CARNS1: variants seen among roughly 807,000 people sequenced by gnomAD.
CARNS1 encodes ATP-grasp domain containing 1.
Under a neutral mutation model 74.0 loss-of-function variants are expected in CARNS1, and 61 were observed. That is an observed-to-expected ratio of 0.82 (90% CI 0.67 to 1.02). The LOEUF (loss-of-function observed/expected upper bound fraction) is 1.02. Ranked by LOEUF, CARNS1 falls within the 50% of genes least tolerant of loss-of-function variation. CARNS1 has a pLI of 0.00. For synonymous variants in CARNS1, 568 were observed against 605.5 expected (o/e 0.94, Z 0.91); for missense variants, 1,278 against 1,308.4 (o/e 0.98, Z 0.36).
chr11:67,418,816 C>T lies in CARNS1; in HGVS notation c.425C>T (p.Pro142Leu), dbSNP rs61744660. 38 of 1,600,768 alleles carry T rather than the reference C, an allele frequency of 2.4e-5. No individual in the cohort carries two copies. In the Middle Eastern group the frequency reaches 5.0e-4, roughly 21 times the overall value. The change falls in exon 5 of 10, where the codon CCG (proline) becomes CTG (leucine). Residue 142 changes from proline to leucine, a missense_variant. Around this residue, in one of 3 missense-constraint regions of CARNS1, gnomAD observed 1,164 missense variants for 1,156.5 expected, o/e 1.01. Transcript: ENST00000687366. ...WLMKVPAPGQ[P>L]GEAALLVSKA... ...ATGAAGGTGCCAGCACCCGGGCAGCCGGGTGAGGCAGCCCTGCTAGTCTCC... is the reference window on the plus strand; with the variant it reads ...ATGAAGGTGCCAGCACCCGGGCAGCTGGGTGAGGCAGCCCTGCTAGTCTCC...
At chr11:67,421,614 C>G (rs1590961380) in intron 9 of CARNS1, among the ~76,000 whole-genome samples, 2 of 152,330 alleles carry the variant, frequency 1.3e-5, no homozygotes, top group South Asian at 2.1e-4. Context: ...ATTCCTGACA[C>G]TTGGCACCCA....
Position 67,425,245 on chromosome 11 carries a change from T to C in CARNS1, c.*644T>C. The C allele has an allele frequency of 2.7e-6, 1 of 367,394 alleles. No individual in the cohort carries two copies. The highest frequency in any genetic ancestry group is 5.4e-6 in the Non-Finnish European group (1 of 186,100). The allele number at this position is 367,394 out of a possible 1,614,324, so 22.8% of individuals were successfully genotyped here. A position where few individuals can be genotyped will look rare whatever the true frequency, so the allele number is the denominator to read the frequency against. ...AGGAAACAGGCTGAGAGAAGAAAAA[T>C]GACTGCTCCAGGATTATACCACAGT... On this transcript the variant is annotated 3_prime_UTR_variant, in exon 10 of 10. Coordinates refer to ENST00000687366, the MANE Select transcript of CARNS1 (RefSeq NM_001166222.2).
chr11:67,424,573 T>C lies in CARNS1; in HGVS notation c.2825T>C (p.Val942Ala). 1 of 1,607,378 alleles carries C rather than the reference T, an allele frequency of 6.2e-7. No homozygotes were observed. The highest frequency in any genetic ancestry group is 2.2e-5 in the East Asian group (1 of 44,754). ...GLGIDGPSYPVAHFLSHFK is the reference protein window; with the variant it reads ...GLGIDGPSYPAAHFLSHFK ...GGCATCGATGGGCCCAGCTACCCTG[T>C]TGCCCACTTCCTGTCTCACTTCAAA... The change falls in exon 10 of 10, where the codon GTT becomes GCT. Residue 942 changes from valine (V) to alanine (A), a missense_variant. Physicochemically the swap from Val to Ala is moderately conservative, Grantham distance 64. Transcript: ENST00000687366.
Position 67,420,096 on chromosome 11 carries a change from G to A in CARNS1, c.1113+258G>A, listed in dbSNP as rs531920095. Among the ~76,000 whole-genome samples, 6 of 152,292 alleles carry A rather than the reference G, an allele frequency of 3.9e-5. 2 individuals carry two copies. Among genetic ancestry groups the A allele is most frequent in the African/African-American group, 1.4e-4 (6 of 41,552 alleles). On this transcript the variant is annotated intron_variant, in intron 7 of 9. Transcript: ENST00000687366. The stretch of plus-strand genomic sequence containing the variant: ...GGGTAGTACCAGGGCCCAGGGGGCT[G>A]AATTGTCTTCCCAGAGAGCTCTTGC...
At chr11:67,418,390 A>C in intron 3 of CARNS1, 41 bp from the exon 4 acceptor site, 4 of 1,389,550 alleles carry the variant, frequency 2.9e-6, no homozygotes, top group Non-Finnish European at 3.8e-6. Flanking sequence ...AGAGACAGCA[A>C]GGGCGCCCCT....
At position 67,424,247 on chromosome 11, in the gene CARNS1, C is replaced by A. The variant is rs771756020; in HGVS notation, c.2499C>A (p.Asp833Glu). 6.2e-7 allele frequency: 1 copy of A among 1,613,576 alleles called. No individual in the cohort carries two copies. The highest frequency in any genetic ancestry group is 1.3e-5 in the African/African-American group (1 of 75,034). ...GGATCCTGGAGCTCTATGGTGTTGA[C>A]CTGCTGCTGGCTGCTGTTATGGTGG... is the stretch of plus-strand genomic sequence containing the variant. The part of the protein sequence containing the change: ...RDWILELYGV[D>E]LLLAAVMVAC... The change falls in exon 10 of 10, where the codon GAC (aspartate) becomes GAA (glutamate). Residue 833 changes from aspartate (D) to glutamate (E), a missense_variant. Transcript: ENST00000687366.
rs747024574 is a variant in CARNS1, at chr11:67,423,657, C to T, written c.1909C>T (p.His637Tyr). ...KSLTQLHLLH[H>Y]HGPPWPAPSL... ...CCTCACCCAGCTGCACCTGTTGCAC[C>T]ACCATGGCCCACCCTGGCCTGCGCC... Residue 637 changes from histidine to tyrosine, a missense_variant, in exon 10 of 10, where the codon CAC becomes TAC. Coordinates refer to ENST00000687366, the MANE Select transcript of CARNS1 (RefSeq NM_001166222.2). The surrounding 1 kb of genome is among the most constrained non-coding windows in gnomAD (Gnocchi z 5.1). 3.1e-5 allele frequency: 50 copies of T among 1,604,084 alleles called. No individual in the cohort carries two copies. The East Asian group carries it at 9.7e-4, about 31-fold the overall frequency.
chr11:67,416,696 G>T (rs1242008697), intron 2 of CARNS1: 4 of 987,110 alleles, frequency 4.1e-6, no homozygotes, highest in Non-Finnish European at 4.8e-6. Context: ...CAGGCCTGGG[G>T]ACTGCAAAGA....
Position 67,424,085 on chromosome 11 carries a change from G to T in CARNS1, c.2337G>T (p.Met779Ile). Residue 779 changes from methionine (M) to isoleucine (I), a missense_variant, in exon 10 of 10, where the codon ATG becomes ATT. This residue lies in a region of CARNS1 where 1,164 missense variants were observed against 1,156.5 expected (regional missense o/e 1.01). Transcript: ENST00000687366. ...TGLAPEQEAQMVQAAFRCCLG... is the reference protein window; with the variant it reads ...TGLAPEQEAQIVQAAFRCCLG... ...TGGCACCAGAGCAGGAGGCACAGAT[G>T]GTTCAGGCAGCCTTCCGCTGTTGCC... 6.2e-7 allele frequency: 1 copy of T among 1,613,574 alleles called. No individual in the cohort carries two copies. The highest frequency in any genetic ancestry group is 8.5e-7 in the Non-Finnish European group (1 of 1,179,792).
Position 67,416,145 on chromosome 11 carries a change from C to T in CARNS1, c.-24-31C>T, listed in dbSNP as rs1012421965. ...AGGGACTTGGCTGCCCTGACTCCTT[C>T]GTCTCTCTGTCCCTCTGTCTCTGCC... On this transcript the variant is annotated intron_variant, in intron 1 of 9. Coordinates refer to ENST00000687366, the MANE Select transcript of CARNS1 (RefSeq NM_001166222.2). 52 of 1,365,474 alleles carry T rather than the reference C, an allele frequency of 3.8e-5. 1 individual carries two copies. Among genetic ancestry groups the T allele is most frequent in the African/African-American group, 1.3e-4 (9 of 69,592 alleles). The allele number at this position is 1,365,474 out of a possible 1,614,324, so 84.6% of individuals were successfully genotyped here.
intron 3 of CARNS1, among the ~76,000 whole-genome samples, chr11:67,417,913 C>G (rs1162217906): frequency 2.0e-5 from 3 of 152,224 alleles, no homozygotes; most frequent in African/African-American, 4.8e-5. Flanking sequence ...CAAAAAGACC[C>G]AGCCCTGGGA....
Position 67,419,201 on chromosome 11 carries a change from G to A in CARNS1, c.810G>A (p.Val270=). The change falls in exon 5 of 10, where the codon GTG becomes GTA. Residue 270 remains valine, a synonymous_variant. Transcript: ENST00000687366. ...EGQETLVKEE[V]EAFLRSEALG... ...AGGAGACGCTGGTGAAAGAGGAAGT[G>A]GAGGCTTTTCTGCGCTCCGAGGCCC... 3.3e-6 allele frequency: 5 copies of A among 1,507,960 alleles called. No homozygotes were observed. Among genetic ancestry groups the A allele is most frequent in the Non-Finnish European group, 4.5e-6 (5 of 1,123,332 alleles). The allele number at this position is 1,507,960 out of a possible 1,614,324, so 93.4% of individuals were successfully genotyped here. A position where few individuals can be genotyped will look rare whatever the true frequency, so the allele number is the denominator to read the frequency against.
At chr11:67,416,834 G>T (rs915648594) in intron 2 of CARNS1, 1 of 986,456 alleles carries the variant, frequency 1.0e-6, no homozygotes, top group Admixed American at 6.1e-5. Flanking sequence ...TCTGCAGGGG[G>T]GATACTGTCT....
chr11:67,418,580 C>A, intron 4 of CARNS1, 60 bp downstream of exon 4: 1 of 1,468,990 alleles, frequency 6.8e-7, no homozygotes, highest in South Asian at 1.3e-5. Flanking sequence ...CTGCCCTGGC[C>A]CAGCCACATC....
rs1196227454 is a variant in CARNS1 at position 67,423,429 on chromosome 11, T to G, written c.1681T>G (p.Phe561Val). 5.6e-6 allele frequency: 9 copies of G among 1,613,756 alleles called. No homozygotes were observed. Among genetic ancestry groups the G allele is most frequent in the Non-Finnish European group, 7.6e-6 (9 of 1,179,770 alleles). ...NHFASQLVQT[F>V]IHFDMTEHRR... ...CTTTGCATCCCAGTTGGTACAGACCTTCATCCACTTTGACATGACAGAGCA... is the reference window on the plus strand; with the variant it reads ...CTTTGCATCCCAGTTGGTACAGACCGTCATCCACTTTGACATGACAGAGCA... The change falls in exon 10 of 10, where the codon TTC becomes GTC. Residue 561 changes from phenylalanine (F) to valine (V), a missense_variant. By Grantham distance (50) the Phe-to-Val change is conservative. Coordinates refer to ENST00000687366, the MANE Select transcript of CARNS1 (RefSeq NM_001166222.2). The surrounding 1 kb of genome is among the most constrained non-coding windows in gnomAD (Gnocchi z 5.1).
Position 67,417,234 on chromosome 11 carries a change from G to A in CARNS1, c.4-173G>A, listed in dbSNP as rs186724694. 42 of 1,234,646 alleles carry A rather than the reference G, an allele frequency of 3.4e-5. No homozygotes were observed. In the South Asian group the frequency reaches 1.1e-3, roughly 33 times the overall value. 76.5% of individuals were successfully genotyped at this position (1,234,646 alleles called of 1,614,324 possible). A position where few individuals can be genotyped will look rare whatever the true frequency, so the allele number is the denominator to read the frequency against. On this transcript the variant is annotated intron_variant, in intron 2 of 9. Coordinates refer to ENST00000687366, the MANE Select transcript of CARNS1 (RefSeq NM_001166222.2). ...GTTTACAAAGCACTCCCACGGTTGCGTTCCCATTAACAAGCCTTCGCCCCC... is the reference window on the plus strand; with the variant it reads ...GTTTACAAAGCACTCCCACGGTTGCATTCCCATTAACAAGCCTTCGCCCCC...
At position 67,418,944 on chromosome 11, in the gene CARNS1, C is replaced by G. The variant is rs372520034; in HGVS notation, c.553C>G (p.Arg185Gly). ...FLAGLGLGPGRGREAAELARD... is the reference protein window; with the variant it reads ...FLAGLGLGPGGGREAAELARD... ...GGCAGGCCTGGGCCTGGGGCCTGGC[C>G]GGGGCCGAGAGGCAGCAGAACTCGC... Residue 185 changes from arginine to glycine, a missense_variant, in exon 5 of 10, where the codon CGG (arginine) becomes GGG (glycine). By Grantham distance (125) the Arg-to-Gly change is moderately radical (BLOSUM62 -2). Around this residue, in one of 3 missense-constraint regions of CARNS1, gnomAD observed 1,164 missense variants for 1,156.5 expected, o/e 1.01. Transcript: ENST00000687366. 147 of 1,576,986 alleles carry G rather than the reference C, an allele frequency of 9.3e-5. No individual in the cohort carries two copies. The highest frequency in any genetic ancestry group is 5.0e-4 in the Middle Eastern group (3 of 6,022).
intron 2 of CARNS1, chr11:67,416,477 G>C: frequency 1.5e-6 from 2 of 1,315,254 alleles, no homozygotes; most frequent in Non-Finnish European, 1.9e-6. Flanking sequence ...ACTGGGATTC[G>C]AGCCCAGGCA....
chr11:67,419,080 C>T lies in CARNS1; in HGVS notation c.689C>T (p.Ala230Val). The change falls in exon 5 of 10, where the codon GCA becomes GTA. Residue 230 changes from alanine to valine, a missense_variant. Ala to Val is a moderately conservative substitution (Grantham distance 64, BLOSUM62 0). This residue lies in a region of CARNS1 where 1,164 missense variants were observed against 1,156.5 expected (regional missense o/e 1.01). Coordinates refer to ENST00000687366, the MANE Select transcript of CARNS1 (RefSeq NM_001166222.2). ...CAGCAGGGTGGTGTGGCTGTGCCAG[C>T]AACCCTGGCTTTCACCTACAAGCCG... ...LAQQGGVAVP[A>V]TLAFTYKPPG... 1 of 1,565,540 alleles carries T rather than the reference C, an allele frequency of 6.4e-7. No individual in the cohort carries two copies. The highest frequency in any genetic ancestry group is 1.2e-5 in the South Asian group (1 of 85,138).
Sources: gnomAD v4.1 joint callset for allele counts (sites outside exome capture counted in the v4.1 genomes callset) on GRCh38, gnomAD v4.1.1 for gene constraint, gnomAD v4.1.1 regional missense constraint, Gnocchi (gnomAD v3.1) non-coding constraint, MANE v1.5 for transcripts, NCBI Gene and HGNC (gene_info 2026-07-23, HGNC 2026-07-21) for gene names.